C8orf34: variants seen among roughly 807,000 people sequenced by gnomAD.
C8orf34 encodes the protein uncharacterized protein C8orf34.
Under a neutral mutation model 68.3 loss-of-function variants are expected in C8orf34, and 65 were observed. That is an observed-to-expected ratio of 0.95 (90% confidence interval 0.78 to 1.17). The LOEUF is 1.17. Ranked by LOEUF, C8orf34 falls within the 50% of genes most tolerant of loss-of-function variation. The pLI, the probability that C8orf34 is intolerant of heterozygous loss-of-function variation, is 0.00. For synonymous variants in C8orf34, 244 were observed against 241.2 expected, an observed-to-expected ratio of 1.01 and a Z score of -0.11; for missense variants, 664 against 655.4, an observed-to-expected ratio of 1.01 and a Z score of -0.14.
chr8:68,478,264 GTCT>G (rs1812710036), intron 4 of C8orf34, among the ~76,000 whole-genome samples: 1 of 152,150 alleles, frequency 6.6e-6, no homozygotes, highest in Non-Finnish European at 1.5e-5. Context: ...GATGCCATCA[GTCT>G]CTTTACTAAA....
intron 10 of C8orf34, among the ~76,000 whole-genome samples, chr8:68,747,918 G>T (rs559543480): frequency 1.1e-4 from 16 of 152,108 alleles, no homozygotes; most frequent in African/African-American, 2.4e-4. Context: ...AAAAGAGCCC[G>T]CATCGCCAAG....
chr8:68,487,981 T>G (rs1299141014), intron 4 of C8orf34, 42 bp from the exon 5 acceptor site: 1 of 1,391,404 alleles, frequency 7.2e-7, no homozygotes, highest in South Asian at 1.3e-5. Context: ...TACTAAAGAT[T>G]GCTTCTAAAA....
intron 8 of C8orf34, among the ~76,000 whole-genome samples, chr8:68,684,703 C>T (rs1820461172): frequency 6.6e-6 from 1 of 151,722 alleles, no homozygotes; most frequent in Non-Finnish European, 1.5e-5. Context: ...GCATGTAAAT[C>T]GAGCTCATTT....
At chr8:68,395,394 CACAA>C (rs1464071553) in intron 1 of C8orf34, among the ~76,000 whole-genome samples, 4 of 149,516 alleles carry the variant, frequency 2.7e-5, no homozygotes, top group Non-Finnish European at 6.0e-5. Context: ...CACACACACA[CACAA>C]ACACACACAC....
chr8:68,381,967 A>G (rs2129620252), intron 1 of C8orf34, among the ~76,000 whole-genome samples: 1 of 152,252 alleles, frequency 6.6e-6, no homozygotes, highest in Non-Finnish European at 1.5e-5. Flanking sequence ...ATGCACATAT[A>G]TATTTGGTAC....
At chr8:68,403,597 A>G (rs530344254) in intron 1 of C8orf34, among the ~76,000 whole-genome samples, 2 of 151,328 alleles carry the variant, frequency 1.3e-5, no homozygotes, top group East Asian at 3.9e-4. Context: ...ATGTGTTCTC[A>G]TTGTTCAACT....
At chr8:68,413,691 C>T (rs1301567486) in intron 1 of C8orf34, among the ~76,000 whole-genome samples, 1 of 152,202 alleles carries the variant, frequency 6.6e-6, no homozygotes, top group African/African-American at 2.4e-5. Flanking sequence ...TTTCCCCAGT[C>T]AAGTTTACTT....
At chr8:68,705,078 G>A (rs886384852) in intron 8 of C8orf34, among the ~76,000 whole-genome samples, 3 of 152,178 alleles carry the variant, frequency 2.0e-5, no homozygotes, top group African/African-American at 4.8e-5. Context: ...CAGCAAGACA[G>A]ATTGGTTAGC....
In C8orf34 at chr8:68,641,534, G is replaced by T. The variant is rs374680055; in HGVS notation, c.1241+1023G>T. On this transcript the variant is annotated intron_variant, in intron 8 of 13. Transcript: ENST00000518698. Reference sequence around the variant, plus strand: ...ACTTTTTTTAGTAGGGCTGTGAAGAGAACTTCTAATATTTATGTGATAATA... The same window carrying T: ...ACTTTTTTTAGTAGGGCTGTGAAGATAACTTCTAATATTTATGTGATAATA... Among the ~76,000 whole-genome samples, 39 of 152,258 alleles carry T rather than the reference G, an allele frequency of 2.6e-4. No homozygotes were observed. The East Asian group carries it at 4.0e-3, about 16-fold the overall frequency.
rs1809640678 is a variant in C8orf34 at position 68,415,806 on chromosome 8, G to A, written c.328-23693G>A. Reference sequence around the variant, plus strand: ...ACTTGTTCAGCAAATGCTGTCTACAGCCACCAAGTCTGCCCCAAATGGCTT... The same window carrying A: ...ACTTGTTCAGCAAATGCTGTCTACAACCACCAAGTCTGCCCCAAATGGCTT... On this transcript the variant is annotated intron_variant, in intron 1 of 13. Transcript: ENST00000518698. Among the ~76,000 whole-genome samples, 5 of 152,170 alleles carry A rather than the reference G, an allele frequency of 3.3e-5. No individual in the cohort carries two copies. In the South Asian group the frequency reaches 1.0e-3, roughly 32 times the overall value.
intron 8 of C8orf34, among the ~76,000 whole-genome samples, chr8:68,652,264 A>C (rs1206235591): frequency 6.6e-6 from 1 of 152,098 alleles, no homozygotes; most frequent in Non-Finnish European, 1.5e-5. Context: ...AATTTGGGCT[A>C]TTGTCTTTTA....
intron 8 of C8orf34, among the ~76,000 whole-genome samples, chr8:68,699,596 C>T (rs867820289): frequency 1.3e-5 from 2 of 152,138 alleles, no homozygotes; most frequent in Non-Finnish European, 2.9e-5. Flanking sequence ...CTGGTTTTGT[C>T]GTGAATCAAT....
chr8:68,464,334 T>G (rs997281130), intron 3 of C8orf34, among the ~76,000 whole-genome samples: 7 of 152,162 alleles, frequency 4.6e-5, no homozygotes, highest in Non-Finnish European at 7.3e-5. Flanking sequence ...TCCATGCTCA[T>G]GGGTAGGAAG....
Position 68,747,018 on chromosome 8 carries a change from T to A in C8orf34, c.1404+25581T>A, listed in dbSNP as rs1364520785. Among the ~76,000 whole-genome samples, 406 of 149,212 alleles carry A rather than the reference T, an allele frequency of 2.7e-3. 3 individuals carry two copies. Among genetic ancestry groups the A allele is most frequent in the African/African-American group, 9.6e-3 (394 of 40,990 alleles). ...CTGGCAAACCGAATCCAGCAGCACA[T>A]CAAAAAGCTTATCCACCATGATCAA... is the stretch of plus-strand genomic sequence containing the variant. On this transcript the variant is annotated intron_variant, in intron 10 of 13. Coordinates refer to ENST00000518698, the MANE Select transcript of C8orf34 (RefSeq NM_052958.4).
chr8:68,419,322 G>A (rs1809833823), intron 1 of C8orf34, among the ~76,000 whole-genome samples: 2 of 147,492 alleles, frequency 1.4e-5, no homozygotes, highest in Admixed American at 1.3e-4. Flanking sequence ...AAAAAGTCAG[G>A]AAACAACAGG....
intron 5 of C8orf34, among the ~76,000 whole-genome samples, chr8:68,514,580 T>C (rs1297466502): frequency 6.6e-6 from 1 of 152,196 alleles, no homozygotes; most frequent in African/African-American, 2.4e-5. Context: ...TCTTGTTCCA[T>C]TTCAGCTAGA....
chr8:68,491,242 C>CT lies in C8orf34; in HGVS notation c.765+3203dup, dbSNP rs752073548. On this transcript the variant is annotated intron_variant, in intron 5 of 13. Coordinates refer to ENST00000518698, the MANE Select transcript of C8orf34 (RefSeq NM_052958.4). ...GAAACAGAGGTTATTATTTTTTAAG[C>CT]TTTTTTTTTTTTAAGTTGTGGGAAT... 8.7e-3 allele frequency among the ~76,000 whole-genome samples: 1,237 copies of CT among 142,666 alleles called. 18 individuals are homozygous for CT. Among genetic ancestry groups the CT allele is most frequent in the African/African-American group, 0.027 (1,059 of 39,084 alleles). 93.6% of individuals were successfully genotyped at this position (142,666 alleles called of 152,430 possible). A position where few individuals can be genotyped will look rare whatever the true frequency, so the allele number is the denominator to read the frequency against.
intron 7 of C8orf34, chr8:68,535,146 G>C (rs1815409693): frequency 2.0e-6 from 2 of 985,004 alleles, no homozygotes; most frequent in Non-Finnish European, 2.4e-6. Flanking sequence ...TTTTGAAATG[G>C]ATTCCAGCAA....
intron 1 of C8orf34, among the ~76,000 whole-genome samples, chr8:68,426,956 A>T (rs1324263240): frequency 1.3e-5 from 2 of 152,162 alleles, no homozygotes; most frequent in Non-Finnish European, 2.9e-5. Context: ...ACTGAAGAAG[A>T]TTTATAGATG....
Sources: allele counts gnomAD v4.1 joint callset (sites outside exome capture counted in the v4.1 genomes callset), GRCh38; gene constraint gnomAD v4.1.1; transcripts MANE v1.5; gene names NCBI Gene and HGNC (gene_info 2026-07-23, HGNC 2026-07-21).